Variants in APP observed in about 807,000 individuals in gnomAD.
APP encodes amyloid-beta precursor protein.
A neutral mutation model predicts 101.4 loss-of-function variants in APP; 31 were observed. The observed-to-expected ratio is 0.31, with a 90% CI of 0.23 to 0.41. The LOEUF (loss-of-function observed/expected upper bound fraction) is 0.41, where lower values mean the gene tolerates loss of function less well. Ranked by LOEUF, APP falls within the 10% of genes least tolerant of loss-of-function variation. The pLI, the probability that APP is intolerant of heterozygous loss-of-function variation, is 1.00. For synonymous variants in APP, 366 were observed against 364.4 expected (o/e 1.00, Z -0.05); for missense variants, 839 against 1,003.7 (o/e 0.84, Z 2.22).
rs113865754 is a variant in APP, at chr21:26,026,541, T to C, written c.663-4499A>G. Among the ~76,000 whole-genome samples the C allele has an allele frequency of 3.9e-3, 599 of 152,248 alleles. 9 individuals are homozygous for C. The highest frequency in any genetic ancestry group is 0.014 in the African/African-American group (569 of 41,532). On this transcript the variant is annotated intron_variant, in intron 5 of 17. Coordinates refer to ENST00000346798, the MANE Select transcript of APP (RefSeq NM_000484.4). ...CCGCCTGATAAGTCCCTTTACAGAG[T>C]GAAAGATTTTGATTCACACACCAAT...
intron 1 of APP, among the ~76,000 whole-genome samples, chr21:26,136,749 G>GA (rs879622740): frequency 2.9e-4 from 41 of 143,372 alleles, no homozygotes; most frequent in African/African-American, 4.1e-4. Context: ...TTTAGAAGAA[G>GA]AAAAAAAAAA....
In APP at chr21:25,914,431, C is replaced by A. The variant is rs1258441637; in HGVS notation, c.1688-2469G>T. Among the ~76,000 whole-genome samples, 3 of 152,060 alleles carry A rather than the reference C, an allele frequency of 2.0e-5. No individual in the cohort carries two copies. In the East Asian group the frequency reaches 5.8e-4, roughly 30 times the overall value. On this transcript the variant is annotated intron_variant, in intron 13 of 17. Transcript: ENST00000346798. The stretch of plus-strand genomic sequence containing the variant: ...AAGTCATGACAGTTCCACCCCGTGC[C>A]CCCGAATGGACTACTGCCTTCTAAA...
At chr21:26,091,130 T>G (rs2061814294) in intron 2 of APP, among the ~76,000 whole-genome samples, 1 of 152,212 alleles carries the variant, frequency 6.6e-6, no homozygotes. Context: ...AACAGGGTGG[T>G]TGTTTTGCCA....
At chr21:25,955,122 T>G (rs902468195) in intron 12 of APP, among the ~76,000 whole-genome samples, 1 of 152,184 alleles carries the variant, frequency 6.6e-6, no homozygotes, top group Non-Finnish European at 1.5e-5. Context: ...TCAATTTGAT[T>G]GGCTATTTCA....
intron 6 of APP, among the ~76,000 whole-genome samples, chr21:26,004,080 C>A (rs2043407106): frequency 6.6e-6 from 1 of 152,096 alleles, no homozygotes; most frequent in African/African-American, 2.4e-5. Context: ...AGGGTCAGCA[C>A]CAGCGATGTA....
In APP at chr21:25,965,610, G is replaced by A. The variant is rs562859663; in HGVS notation, c.1458+9460C>T. The stretch of plus-strand genomic sequence containing the variant: ...ATACTTAAAAGCCAAACATCACCTG[G>A]CATCTTTAAACTGGTATCCATGGTC... On this transcript the variant is annotated intron_variant, in intron 11 of 17. Coordinates refer to ENST00000346798, the MANE Select transcript of APP (RefSeq NM_000484.4). 8.5e-5 allele frequency among the ~76,000 whole-genome samples: 13 copies of A among 152,222 alleles called. 1 individual carries two copies. The South Asian group carries it at 2.7e-3, about 32-fold the overall frequency.
At chr21:26,028,665 A>C (rs2044688799) in intron 5 of APP, among the ~76,000 whole-genome samples, 1 of 152,190 alleles carries the variant, frequency 6.6e-6, no homozygotes. Flanking sequence ...GCATTCATTC[A>C]TTCATCCATT....
intron 3 of APP, among the ~76,000 whole-genome samples, chr21:26,061,664 T>C (rs2046268750): frequency 6.6e-6 from 1 of 152,214 alleles, no homozygotes; most frequent in Non-Finnish European, 1.5e-5. Flanking sequence ...TTACACATCC[T>C]TTTAAAAAGT....
intron 13 of APP, chr21:25,937,761 T>C (rs907588152): frequency 3.3e-5 from 5 of 152,154 alleles, no homozygotes; most frequent in Non-Finnish European, 5.9e-5. Flanking sequence ...CTTATGCTTA[T>C]ACAGTTTTTT....
In APP at chr21:26,049,485, G is replaced by C. The variant is rs560997439; in HGVS notation, c.662+1515C>G. On this transcript the variant is annotated intron_variant, in intron 5 of 17. Coordinates refer to ENST00000346798, the MANE Select transcript of APP (RefSeq NM_000484.4). The stretch of plus-strand genomic sequence containing the variant: ...GTTGGGCTGGATCAACTGCTATGGG[G>C]AAGATGATAGGTCATCAAGACAGAG... Among the ~76,000 whole-genome samples the C allele has an allele frequency of 1.3e-5, 2 of 152,216 alleles. 1 individual carries two copies. The highest frequency in any genetic ancestry group is 4.1e-4 in the South Asian group (2 of 4,822).
chr21:25,955,832 T>G (rs1173071928), intron 11 of APP, 77 bp from the exon 12 acceptor site: 1 of 1,600,972 alleles, frequency 6.2e-7, no homozygotes, highest in Non-Finnish European at 8.5e-7. Flanking sequence ...GGGTTAGAGG[T>G]TCCACTAATG....
At position 25,975,988 on chromosome 21, in the gene APP, T is replaced by A; in HGVS notation, c.1265A>T (p.Asn422Ile). Residue 422 changes from asparagine (N) to isoleucine (I), a missense_variant, in exon 10 of 18, where the codon AAC (asparagine) becomes ATC (isoleucine). Asn to Ile is a moderately radical substitution (Grantham distance 149). Coordinates refer to ENST00000346798, the MANE Select transcript of APP (RefSeq NM_000484.4). ...TGCCTTCTTATCAGCTTTAGGCAAG[T>A]TCTTTGCTTGACGTTCTGCCTCTTC... ...EWEEAERQAKNLPKADKKAVI... is the reference protein window; with the variant it reads ...EWEEAERQAKILPKADKKAVI... 4 of 1,614,022 alleles carry A rather than the reference T, an allele frequency of 2.5e-6. No individual in the cohort carries two copies. The highest frequency in any genetic ancestry group is 3.4e-6 in the Non-Finnish European group (4 of 1,179,940).
rs1342295740 is a variant in APP, at chr21:25,961,048, C to T, written c.1459-5293G>A. Among the ~76,000 whole-genome samples the T allele has an allele frequency of 3.3e-5, 5 of 152,038 alleles. 1 individual carries two copies. The highest frequency in any genetic ancestry group is 2.6e-4 in the Admixed American group (4 of 15,252). On this transcript the variant is annotated intron_variant, in intron 11 of 17. Transcript: ENST00000346798. ...GTAAAAAGAAAATAATTCTTGGGGCCCCCAAATCACTAAGCTAAAGGGAAA... is the reference window on the plus strand; with the variant it reads ...GTAAAAAGAAAATAATTCTTGGGGCTCCCAAATCACTAAGCTAAAGGGAAA...
intron 1 of APP, among the ~76,000 whole-genome samples, chr21:26,166,128 A>C (rs1203598887): frequency 6.6e-6 from 1 of 152,232 alleles, no homozygotes; most frequent in East Asian, 1.9e-4. Flanking sequence ...CTAAACTGAA[A>C]AAATAGTTAC....
intron 3 of APP, among the ~76,000 whole-genome samples, chr21:26,055,067 C>A (rs1249495827): frequency 6.6e-6 from 1 of 152,052 alleles, no homozygotes; most frequent in East Asian, 1.9e-4. Context: ...TCTTGTCATT[C>A]CTTAAATCTT....
intron 1 of APP, among the ~76,000 whole-genome samples, chr21:26,154,468 A>G (rs1444848153): frequency 6.6e-6 from 1 of 152,196 alleles, no homozygotes; most frequent in Non-Finnish European, 1.5e-5. Context: ...TCATATATGT[A>G]TAATACTAGT....
At chr21:25,885,287 C>T (rs535076627) in intron 17 of APP, among the ~76,000 whole-genome samples, 2 of 152,368 alleles carry the variant, frequency 1.3e-5, no homozygotes, top group East Asian at 3.9e-4. Flanking sequence ...CCAATCTCTT[C>T]CTCATGGCTA....
At chr21:25,914,427 G>A (rs912912229) in intron 13 of APP, among the ~76,000 whole-genome samples, 6 of 148,846 alleles carry the variant, frequency 4.0e-5, no homozygotes, top group Non-Finnish European at 8.9e-5. Flanking sequence ...GTTCCACCCC[G>A]TGCCCCCGAA....
chr21:25,942,053 T>C (rs2040598247), intron 13 of APP: 1 of 152,182 alleles, frequency 6.6e-6, no homozygotes, highest in Non-Finnish European at 1.5e-5. Flanking sequence ...CAAAATAATA[T>C]AAAAATCCTG....
Sources: gnomAD v4.1 joint callset for allele counts (sites outside exome capture counted in the v4.1 genomes callset) on GRCh38, gnomAD v4.1.1 for gene constraint, MANE v1.5 for transcripts, NCBI Gene and HGNC (gene_info 2026-07-23, HGNC 2026-07-21) for gene names.